The following PRKCB variants were observed in gnomAD, a reference collection of about 807,000 sequenced individuals.
PRKCB encodes the protein protein kinase C beta type.
A neutral mutation model predicts 81.5 loss-of-function variants in PRKCB; 13 were observed. That is an observed-to-expected ratio of 0.16 (90% CI 0.10 to 0.25). The LOEUF is 0.25. Among genes scored for constraint, PRKCB ranks in the 10% least tolerant of loss-of-function variants. The probability of loss-of-function intolerance (pLI) is 1.00; values close to 1 mark genes in which losing one functional copy is unlikely to be tolerated. For missense variants in PRKCB, 509 were observed against 875.7 expected (o/e 0.58, Z 5.29); for synonymous variants, 335 against 321.4 (o/e 1.04, Z -0.45).
intron 2 of PRKCB, among the ~76,000 whole-genome samples, chr16:23,904,667 GAAC>G (rs751391052): frequency 4.6e-5 from 7 of 151,884 alleles, no homozygotes; most frequent in Non-Finnish European, 7.4e-5. Flanking sequence ...CATCTCAAAA[GAAC>G]AACAACAACA....
At chr16:23,895,186 A>C (rs1466827767) in intron 2 of PRKCB, among the ~76,000 whole-genome samples, 3 of 152,146 alleles carry the variant, frequency 2.0e-5, no homozygotes, top group Non-Finnish European at 2.9e-5. Flanking sequence ...TATTAGCATA[A>C]AACTATATAT....
intron 3 of PRKCB, among the ~76,000 whole-genome samples, chr16:23,993,723 G>C (rs1964919824): frequency 1.3e-5 from 2 of 152,172 alleles, no homozygotes; most frequent in Admixed American, 6.5e-5. Flanking sequence ...CCATTTGGTG[G>C]CACTCAACTG....
chr16:24,053,958 A>T (rs1965874658), intron 5 of PRKCB, among the ~76,000 whole-genome samples: 1 of 152,116 alleles, frequency 6.6e-6, no homozygotes, highest in Non-Finnish European at 1.5e-5. Context: ...TAGTAGTTGT[A>T]ATAGTTCCTT....
intron 9 of PRKCB, among the ~76,000 whole-genome samples, chr16:24,138,435 T>C (rs962575924): frequency 2.6e-5 from 4 of 152,224 alleles, no homozygotes; most frequent in African/African-American, 4.8e-5. Flanking sequence ...CCAGCAACCA[T>C]TTAAAAAAGA....
intron 2 of PRKCB, among the ~76,000 whole-genome samples, chr16:23,851,009 A>G (rs1188663834): frequency 2.0e-5 from 3 of 152,134 alleles, no homozygotes; most frequent in Non-Finnish European, 2.9e-5. Context: ...TATATTTTGG[A>G]TATTAACTTC....
chr16:23,995,752 C>G (rs1465886530), intron 3 of PRKCB, among the ~76,000 whole-genome samples: 1 of 152,182 alleles, frequency 6.6e-6, no homozygotes, highest in East Asian at 1.9e-4. Flanking sequence ...CCTGTGCTCC[C>G]CACTCTTGCT....
intron 16 of PRKCB, among the ~76,000 whole-genome samples, chr16:24,195,202 G>GAA (rs35292926): frequency 0.019 from 2,764 of 144,160 alleles, 43 homozygotes; most frequent in African/African-American, 0.064. Flanking sequence ...CCCTGTCTCA[G>GAA]AAAAAAAAAA....
rs1302548913 is a variant in PRKCB, at chr16:24,217,065, A to G, written c.*2249A>G. 1.0e-6 allele frequency: 1 copy of G among 984,978 alleles called. No individual in the cohort carries two copies. Among genetic ancestry groups the G allele is most frequent in the Non-Finnish European group, 1.2e-6 (1 of 829,902 alleles). 61.0% of individuals were successfully genotyped at this position (984,978 alleles called of 1,614,324 possible). Reference sequence around the variant, plus strand: ...AAATGATCTGAGACAACTTTAGAAAACAATGTAGGATGAATGGAAAGAGAA... The same window carrying G: ...AAATGATCTGAGACAACTTTAGAAAGCAATGTAGGATGAATGGAAAGAGAA... On this transcript the variant is annotated 3_prime_UTR_variant, in exon 17 of 17. Transcript: ENST00000643927.
chr16:23,867,030 T>C (rs1489109090), intron 2 of PRKCB, among the ~76,000 whole-genome samples: 1 of 87,156 alleles, frequency 1.1e-5, no homozygotes, highest in Non-Finnish European at 2.3e-5. Flanking sequence ...CCTTCCTTCC[T>C]TCCTTCCTTC....
chr16:24,165,997 G>T (rs1439478532), intron 10 of PRKCB, among the ~76,000 whole-genome samples: 2 of 142,394 alleles, frequency 1.4e-5, no homozygotes, highest in Non-Finnish European at 3.0e-5. Flanking sequence ...AGCCATTCTT[G>T]TGCCTCAGCC....
chr16:24,024,424 T>A (rs1001944697), intron 3 of PRKCB, among the ~76,000 whole-genome samples: 3 of 152,270 alleles, frequency 2.0e-5, no homozygotes, highest in African/African-American at 7.2e-5. Context: ...GTGACATTAG[T>A]CAATAATATG....
intron 2 of PRKCB, among the ~76,000 whole-genome samples, chr16:23,860,899 C>CT (rs1962653411): frequency 6.6e-6 from 1 of 151,912 alleles, no homozygotes; most frequent in Non-Finnish European, 1.5e-5. Context: ...GAATGAGACT[C>CT]AGTATAAAAA....
intron 9 of PRKCB, among the ~76,000 whole-genome samples, chr16:24,141,113 C>T (rs1966895084): frequency 6.6e-6 from 1 of 152,230 alleles, no homozygotes; most frequent in South Asian, 2.1e-4. Context: ...CATGGCCCTA[C>T]TAACTCTTGT....
At chr16:23,836,429 GCCCTC>G in intron 1 of PRKCB, 81 bp downstream of exon 1, 2 of 102,204 alleles carry the variant, frequency 2.0e-5, no homozygotes, top group African/African-American at 1.2e-4. Flanking sequence ...CGCCCTCTGC[GCCCTC>G]CGCGCCCTCC....
intron 2 of PRKCB, among the ~76,000 whole-genome samples, chr16:23,914,294 A>G (rs960493164): frequency 1.3e-5 from 2 of 152,202 alleles, no homozygotes; most frequent in Non-Finnish European, 2.9e-5. Flanking sequence ...AAATATCCCT[A>G]GGCTTTTAAG....
chr16:23,907,681 T>G (rs1963581443), intron 2 of PRKCB, among the ~76,000 whole-genome samples: 1 of 152,184 alleles, frequency 6.6e-6, no homozygotes, highest in South Asian at 2.1e-4. Flanking sequence ...CCTATCTATC[T>G]CAGAGACCAG....
rs1968293917 is a variant in PRKCB at position 24,219,792 on chromosome 16, C to A, written c.*4976C>A. 2.8e-6 allele frequency: 4 copies of A among 1,412,366 alleles called. No homozygotes were observed. Among genetic ancestry groups the A allele is most frequent in the Admixed American group, 6.0e-5 (2 of 33,246 alleles). 87.5% of individuals were successfully genotyped at this position (1,412,366 alleles called of 1,614,324 possible). On this transcript the variant is annotated 3_prime_UTR_variant, in exon 17 of 17. Coordinates refer to ENST00000643927, the MANE Select transcript of PRKCB (RefSeq NM_002738.7). ...ACATTTCTATCCCCAAGCCAACATACAATGTGAAATGAAAGCCAGTGCGTG... is the reference window on the plus strand; with the variant it reads ...ACATTTCTATCCCCAAGCCAACATAAAATGTGAAATGAAAGCCAGTGCGTG...
intron 2 of PRKCB, among the ~76,000 whole-genome samples, chr16:23,907,111 T>C (rs1169353698): frequency 6.6e-6 from 1 of 152,176 alleles, no homozygotes; most frequent in East Asian, 1.9e-4. Flanking sequence ...GCCTGTCCCA[T>C]GTAGTGTAGG....
chr16:24,177,467 T>A (rs1967552903), intron 12 of PRKCB, among the ~76,000 whole-genome samples: 1 of 152,014 alleles, frequency 6.6e-6, no homozygotes, highest in Admixed American at 6.6e-5. Flanking sequence ...AAGAACAGAG[T>A]CAATCTTCTA....
Sources: allele counts gnomAD v4.1 joint callset (sites outside exome capture counted in the v4.1 genomes callset), GRCh38; gene constraint gnomAD v4.1.1; transcripts MANE v1.5; gene names NCBI Gene and HGNC (gene_info 2026-07-23, HGNC 2026-07-21).